Variants in KCNAB1 observed in about 807,000 individuals in gnomAD.
The protein encoded by KCNAB1 is potassium voltage-gated channel subfamily A regulatory beta subunit 1.
In KCNAB1, 35 loss-of-function variants were observed where a neutral mutation model predicts 64.6. The observed-to-expected ratio is 0.54, with a 90% CI of 0.41 to 0.72. The LOEUF is 0.72. Among genes scored for constraint, KCNAB1 ranks in the 30% least tolerant of loss-of-function variants. The pLI, the probability that KCNAB1 is intolerant of heterozygous loss-of-function variation, is 0.00. For synonymous variants in KCNAB1, 177 were observed against 183.8 expected, an observed-to-expected ratio of 0.96 and a Z score of 0.30; for missense variants, 401 against 512.9, an observed-to-expected ratio of 0.78 and a Z score of 2.11.
At chr3:156,422,979 T>C (rs1715566686) in intron 2 of KCNAB1, among the ~76,000 whole-genome samples, 1 of 152,122 alleles carries the variant, frequency 6.6e-6, no homozygotes, top group Non-Finnish European at 1.5e-5. Context: ...TGCTCATGCA[T>C]CAAGCAAGAT....
At chr3:156,529,681 G>A (rs1347976544) in intron 12 of KCNAB1, among the ~76,000 whole-genome samples, 1 of 152,178 alleles carries the variant, frequency 6.6e-6, no homozygotes, top group Non-Finnish European at 1.5e-5. Context: ...CACTTGATTA[G>A]AGGAATATTT....
chr3:156,393,656 G>A (rs576336458), intron 1 of KCNAB1, among the ~76,000 whole-genome samples: 1 of 152,288 alleles, frequency 6.6e-6, no homozygotes, highest in East Asian at 1.9e-4. Flanking sequence ...CACATACTCT[G>A]TGTTAATAAA....
At chr3:156,297,870 TA>T (rs1337815625) in intron 1 of KCNAB1, among the ~76,000 whole-genome samples, 1 of 152,054 alleles carries the variant, frequency 6.6e-6, no homozygotes, top group Admixed American at 6.6e-5. Context: ...AAAGGAGAGC[TA>T]GCTCTGTGGC....
intron 1 of KCNAB1, among the ~76,000 whole-genome samples, chr3:156,400,738 C>T (rs978889663): frequency 7.2e-5 from 11 of 152,262 alleles, no homozygotes; most frequent in Admixed American, 1.3e-4. Flanking sequence ...TTACTTCTGA[C>T]GTTGTCCCCA....
chr3:156,493,391 T>C (rs926901206), intron 8 of KCNAB1, among the ~76,000 whole-genome samples: 15 of 152,164 alleles, frequency 9.9e-5, no homozygotes, highest in African/African-American at 3.1e-4. Flanking sequence ...TGAAATTATA[T>C]TATCCTTTTT....
At chr3:156,221,141 C>A (rs949507530) in intron 1 of KCNAB1, among the ~76,000 whole-genome samples, 7 of 152,192 alleles carry the variant, frequency 4.6e-5, no homozygotes, top group Middle Eastern at 3.2e-3. Flanking sequence ...AGTTTGAAGT[C>A]AGGTAGCATG....
chr3:156,499,115 C>T (rs756315373), intron 8 of KCNAB1, among the ~76,000 whole-genome samples: 1 of 152,172 alleles, frequency 6.6e-6, no homozygotes, highest in Non-Finnish European at 1.5e-5. Flanking sequence ...TTAGTTAAGG[C>T]TTTAGAGGAA....
intron 8 of KCNAB1, among the ~76,000 whole-genome samples, chr3:156,497,453 A>G (rs1420960678): frequency 6.6e-6 from 1 of 152,210 alleles, no homozygotes; most frequent in Admixed American, 6.5e-5. Context: ...TCCTTCATCT[A>G]CAAGACAGAA....
chr3:156,121,462 A>T (rs111493566), intron 1 of KCNAB1, among the ~76,000 whole-genome samples: 1 of 152,292 alleles, frequency 6.6e-6, no homozygotes, highest in Non-Finnish European at 1.5e-5. Context: ...AGATAAATGT[A>T]AGGCAAATCT....
chr3:156,231,848 A>G (rs1716552439), intron 1 of KCNAB1, among the ~76,000 whole-genome samples: 1 of 152,106 alleles, frequency 6.6e-6, no homozygotes, highest in Non-Finnish European at 1.5e-5. Context: ...AAATCAATGT[A>G]TTTCTTAAAT....
At chr3:156,511,404 G>A (rs542659640) in intron 8 of KCNAB1, among the ~76,000 whole-genome samples, 63 of 151,968 alleles carry the variant, frequency 4.1e-4, no homozygotes, top group Non-Finnish European at 7.2e-4. Flanking sequence ...TGCCCCGCCC[G>A]TCATCTCCCT....
intron 7 of KCNAB1, among the ~76,000 whole-genome samples, chr3:156,473,393 T>A (rs1714085616): frequency 6.6e-6 from 1 of 152,158 alleles, no homozygotes; most frequent in Admixed American, 6.5e-5. Flanking sequence ...TTCCTGTCCT[T>A]TCCTTACCTC....
intron 1 of KCNAB1, among the ~76,000 whole-genome samples, chr3:156,294,810 A>G (rs1331916183): frequency 6.6e-6 from 1 of 152,194 alleles, no homozygotes; most frequent in South Asian, 2.1e-4. Context: ...AAGATTTTTT[A>G]AAAAGTCTTT....
chr3:156,209,293 T>C (rs1714868833), intron 1 of KCNAB1, among the ~76,000 whole-genome samples: 1 of 152,162 alleles, frequency 6.6e-6, no homozygotes, highest in Non-Finnish European at 1.5e-5. Flanking sequence ...AAATAGCATG[T>C]GCAAAGGTAC....
intron 1 of KCNAB1, among the ~76,000 whole-genome samples, chr3:156,182,940 C>T (rs964676149): frequency 1.3e-5 from 2 of 151,798 alleles, no homozygotes; most frequent in African/African-American, 4.8e-5. Context: ...CCTCATGATT[C>T]GCCTGCCTCA....
At chr3:156,341,711 A>C (rs901963473) in intron 1 of KCNAB1, among the ~76,000 whole-genome samples, 1 of 152,174 alleles carries the variant, frequency 6.6e-6, no homozygotes, top group Non-Finnish European at 1.5e-5. Flanking sequence ...CAATCATAGA[A>C]AAAAAATATA....
intron 1 of KCNAB1, among the ~76,000 whole-genome samples, chr3:156,417,189 T>C (rs1326261639): frequency 6.6e-6 from 1 of 152,224 alleles, no homozygotes; most frequent in Non-Finnish European, 1.5e-5. Flanking sequence ...TTTCTGCTCA[T>C]GTACATTATT....
At chr3:156,501,422 CTTTTTTTTTTTTT>C (rs34628325) in intron 8 of KCNAB1, among the ~76,000 whole-genome samples, 2,866 of 82,704 alleles carry the variant, frequency 0.035, 110 homozygotes, top group African/African-American at 0.11. Context: ...GACTTAGTAC[CTTTTTTTTTTTTT>C]TTTTTTTTTT....
At chr3:156,466,140 T>C (rs1713356046) in intron 7 of KCNAB1, among the ~76,000 whole-genome samples, 1 of 152,074 alleles carries the variant, frequency 6.6e-6, no homozygotes, top group Non-Finnish European at 1.5e-5. Flanking sequence ...TATCACCTCC[T>C]CACCCCCTCC....
Sources: allele counts gnomAD v4.1 joint callset (sites outside exome capture counted in the v4.1 genomes callset), GRCh38; gene constraint gnomAD v4.1.1; transcripts MANE v1.5; gene names NCBI Gene and HGNC (gene_info 2026-07-23, HGNC 2026-07-21).